Variants in EXOC4 observed in about 807,000 individuals in gnomAD.
EXOC4 encodes exocyst complex component 4.
In EXOC4, 71 loss-of-function variants were observed where a neutral mutation model predicts 107.2. The ratio of observed to expected loss-of-function variants is 0.66; its 90% CI spans 0.55 to 0.81. EXOC4 has a LOEUF of 0.81. EXOC4 is among the 30% of genes least tolerant of loss of function. EXOC4 has a pLI of 0.00. For synonymous variants in EXOC4, 456 were observed against 441.2 expected, an observed-to-expected ratio of 1.03 and a Z score of -0.42; for missense variants, 1,108 against 1,189.6, an observed-to-expected ratio of 0.93 and a Z score of 1.01.
intron 10 of EXOC4, among the ~76,000 whole-genome samples, chr7:133,774,106 C>T (rs1796298905): frequency 6.6e-6 from 1 of 152,058 alleles, no homozygotes; most frequent in Non-Finnish European, 1.5e-5. Context: ...TAAAACAAGG[C>T]CTGACCTTGT....
intron 14 of EXOC4, among the ~76,000 whole-genome samples, chr7:133,941,666 CTG>C (rs1232482223): frequency 6.6e-6 from 1 of 152,134 alleles, no homozygotes; most frequent in Admixed American, 6.5e-5. Context: ...CTTTCTGACA[CTG>C]TTTCTGCTTA....
At chr7:134,040,779 A>C (rs899873751) in intron 17 of EXOC4, among the ~76,000 whole-genome samples, 3 of 152,236 alleles carry the variant, frequency 2.0e-5, no homozygotes, top group African/African-American at 7.2e-5. Context: ...AAAGAAAAAT[A>C]TGTAAGCAAA....
At chr7:133,548,488 C>T (rs890071098) in intron 9 of EXOC4, among the ~76,000 whole-genome samples, 2 of 152,036 alleles carry the variant, frequency 1.3e-5, no homozygotes, top group Non-Finnish European at 2.9e-5. Flanking sequence ...CATCTTCTTC[C>T]AATAGAAGGC....
intron 17 of EXOC4, among the ~76,000 whole-genome samples, chr7:134,040,840 A>G (rs887255381): frequency 4.6e-5 from 7 of 152,238 alleles, no homozygotes; most frequent in Admixed American, 1.3e-4. Flanking sequence ...CTGTGGTACT[A>G]TCATCAATGG....
rs533223629 is a variant in EXOC4, at chr7:133,824,892, C to T, written c.1734+7348C>T. Reference sequence around the variant, plus strand: ...AGGACGATCTCATCTCAATCCTTACCTTAATTACATCTAAAAAGATTTCCA... The same window carrying T: ...AGGACGATCTCATCTCAATCCTTACTTTAATTACATCTAAAAAGATTTCCA... On this transcript the variant is annotated intron_variant, in intron 11 of 17. Transcript: ENST00000253861. Among the ~76,000 whole-genome samples the T allele has an allele frequency of 2.6e-5, 4 of 152,224 alleles. No homozygotes were observed. The South Asian group carries it at 8.3e-4, about 32-fold the overall frequency.
At chr7:134,004,187 T>C (rs1794590513) in intron 15 of EXOC4, among the ~76,000 whole-genome samples, 1 of 152,124 alleles carries the variant, frequency 6.6e-6, no homozygotes. Flanking sequence ...CACAATTTCT[T>C]ACAAATTCAT....
At chr7:133,807,146 A>C (rs979151384) in intron 10 of EXOC4, among the ~76,000 whole-genome samples, 3 of 152,194 alleles carry the variant, frequency 2.0e-5, no homozygotes, top group Non-Finnish European at 4.4e-5. Flanking sequence ...GCACAGACCC[A>C]GATGGTCTTG....
At chr7:133,429,756 TCATC>T (rs1281061674) in intron 7 of EXOC4, among the ~76,000 whole-genome samples, 3 of 152,246 alleles carry the variant, frequency 2.0e-5, no homozygotes, top group Middle Eastern at 3.2e-3. Context: ...TTTTCAAGGT[TCATC>T]CATGTTATAG....
At chr7:133,257,169 T>G (rs1795037123) in intron 1 of EXOC4, among the ~76,000 whole-genome samples, 1 of 152,200 alleles carries the variant, frequency 6.6e-6, no homozygotes, top group Non-Finnish European at 1.5e-5. Context: ...ATTCAGTTTG[T>G]CGGAGGCTAC....
chr7:133,884,672 T>G (rs1178621648), intron 11 of EXOC4, among the ~76,000 whole-genome samples: 1 of 150,594 alleles, frequency 6.6e-6, no homozygotes, highest in African/African-American at 2.4e-5. Context: ...ATAGACATAT[T>G]TCTCTGACCA....
At chr7:133,439,422 A>G (rs1288186849) in intron 7 of EXOC4, among the ~76,000 whole-genome samples, 2 of 151,852 alleles carry the variant, frequency 1.3e-5, no homozygotes, top group Non-Finnish European at 2.9e-5. Flanking sequence ...TGACTTCATG[A>G]TCTGCCTGTC....
chr7:133,953,457 T>C (rs1018464071), intron 14 of EXOC4, among the ~76,000 whole-genome samples: 2 of 150,682 alleles, frequency 1.3e-5, no homozygotes, highest in Non-Finnish European at 3.0e-5. Context: ...AAAAATTAAT[T>C]AGCCAGGTGT....
At chr7:133,569,949 T>A (rs764236456) in intron 9 of EXOC4, among the ~76,000 whole-genome samples, 1 of 152,194 alleles carries the variant, frequency 6.6e-6, no homozygotes, top group African/African-American at 2.4e-5. Flanking sequence ...TGTCTTTCTG[T>A]TCGCCACTAA....
At chr7:133,454,331 C>T (rs1798415101) in intron 7 of EXOC4, among the ~76,000 whole-genome samples, 1 of 152,136 alleles carries the variant, frequency 6.6e-6, no homozygotes, top group Non-Finnish European at 1.5e-5. Flanking sequence ...CAAAGTCTTA[C>T]TGTGTTGCCC....
intron 9 of EXOC4, among the ~76,000 whole-genome samples, chr7:133,612,046 G>A (rs1045651791): frequency 6.6e-6 from 1 of 152,026 alleles, no homozygotes; most frequent in Non-Finnish European, 1.5e-5. Context: ...TGAATGTTTG[G>A]TGCTTCCCTA....
chr7:133,477,859 G>A (rs1007815612), intron 8 of EXOC4, among the ~76,000 whole-genome samples: 5 of 152,140 alleles, frequency 3.3e-5, no homozygotes, highest in African/African-American at 4.8e-5. Context: ...GGATTGGGTC[G>A]TAAGCCCATT....
intron 11 of EXOC4, among the ~76,000 whole-genome samples, chr7:133,825,638 T>C (rs1257006057): frequency 6.6e-6 from 1 of 152,210 alleles, no homozygotes; most frequent in Non-Finnish European, 1.5e-5. Flanking sequence ...CCAGCAGCAG[T>C]AGCGTATTGT....
At chr7:133,409,596 A>ATCCTGACCCCTGCCTAAACTTT (rs1554448505) in intron 7 of EXOC4, among the ~76,000 whole-genome samples, 13 of 152,210 alleles carry the variant, frequency 8.5e-5, no homozygotes, top group Non-Finnish European at 1.9e-4. Flanking sequence ...TTCTGCTGTC[A>ATCCTGACCCCTGCCTAAACTTT]TCATCCTGAC....
chr7:133,772,244 G>A (rs1796258985), intron 10 of EXOC4, among the ~76,000 whole-genome samples: 1 of 152,052 alleles, frequency 6.6e-6, no homozygotes, highest in South Asian at 2.1e-4. Context: ...TTTGCAGACA[G>A]AGATGTTACT....
Sources: allele counts gnomAD v4.1 joint callset (sites outside exome capture counted in the v4.1 genomes callset), GRCh38; gene constraint gnomAD v4.1.1; transcripts MANE v1.5; gene names NCBI Gene and HGNC (gene_info 2026-07-23, HGNC 2026-07-21).